The following RHD variants were observed in gnomAD, a reference collection of about 807,000 sequenced individuals.
RHD encodes the protein Rh blood group D antigen, also known as blood group Rh(D) polypeptide.
RHD carries 16 observed loss-of-function variants against 45.5 expected under a neutral mutation model. The observed-to-expected ratio is 0.35, with a 90% CI of 0.24 to 0.53. The LOEUF is 0.53. Among genes scored for constraint, RHD ranks in the 20% least tolerant of loss-of-function variants. The pLI, the probability that RHD is intolerant of heterozygous loss-of-function variation, is 0.92. For missense variants in RHD, 306 were observed against 532.0 expected, an observed-to-expected ratio of 0.58 and a Z score of 4.18; for synonymous variants, 131 against 217.5, an observed-to-expected ratio of 0.60 and a Z score of 3.50.
Position 25,290,681 on chromosome 1 carries a change from T to C in RHD, c.376T>C (p.Ser126Pro). ...ATMSALSVLI[S>P]VDAVLGKVNL... ...CATGAGTGCTTTGTCGGTGCTGATC[T>C]CAGTGGATGCTGTCTTGGGGAAGGT... Residue 126 changes from serine (S) to proline (P), a missense_variant, in exon 3 of 10, where the codon TCA becomes CCA. Ser to Pro is a moderately conservative substitution (Grantham distance 74, BLOSUM62 -1). Coordinates refer to ENST00000328664, the MANE Select transcript of RHD (RefSeq NM_016124.6). The C allele has an allele frequency of 7.3e-7, 1 of 1,378,564 alleles. No individual in the cohort carries two copies. Among genetic ancestry groups the C allele is most frequent in the Non-Finnish European group, 1.0e-6 (1 of 978,452 alleles). 85.4% of individuals were successfully genotyped at this position (1,378,564 alleles called of 1,614,324 possible).
rs4564194 is a variant in RHD, at chr1:25,299,107, A to T, written c.487-1839A>T. ...AAAAAAAAAAAAAAAACAGGCTGGG[A>T]GCAGTGGCTCATGCCTGTAATCCCA... On this transcript the variant is annotated intron_variant, in intron 3 of 9. Coordinates refer to ENST00000328664, the MANE Select transcript of RHD (RefSeq NM_016124.6). 9.7e-5 allele frequency among the ~76,000 whole-genome samples: 11 copies of T among 112,968 alleles called. 1 individual carries two copies. The highest frequency in any genetic ancestry group is 2.7e-4 in the South Asian group (1 of 3,752). 74.1% of individuals were successfully genotyped at this position (112,968 alleles called of 152,430 possible).
At position 25,329,024 on chromosome 1, in the gene RHD, T is replaced by A. The variant is rs769894940; in HGVS notation, c.*100T>A. ...GTGAGAAACGCTCATGACAGCAAAG[T>A]CTCCAATGTTCGCGCAGGCACTGGA... On this transcript the variant is annotated 3_prime_UTR_variant, in exon 10 of 10. Transcript: ENST00000328664. 2.2e-6 allele frequency: 3 copies of A among 1,378,300 alleles called. 1 individual carries two copies. Among genetic ancestry groups the A allele is most frequent in the Non-Finnish European group, 3.1e-6 (3 of 978,698 alleles). The allele number at this position is 1,378,300 out of a possible 1,614,324, so 85.4% of individuals were successfully genotyped here.
rs1641811680 is a variant in RHD, at chr1:25,284,727, C to A, written c.303C>A (p.Phe101Leu). 7.2e-7 allele frequency: 1 copy of A among 1,388,794 alleles called. No homozygotes were observed. Among genetic ancestry groups the A allele is most frequent in the African/African-American group, 1.4e-5 (1 of 71,206 alleles). 86.0% of individuals were successfully genotyped at this position (1,388,794 alleles called of 1,614,324 possible). Reference protein sequence around the residue: ...AILLDGFLSQFPSGKVVITLF... With the variant: ...AILLDGFLSQLPSGKVVITLF... The stretch of plus-strand genomic sequence containing the variant: ...TGCTGGACGGCTTCCTGAGCCAGTT[C>A]CCTTCTGGGAAGGTGGTCATCACAC... Residue 101 changes from phenylalanine to leucine, a missense_variant, in exon 2 of 10, where the codon TTC becomes TTA. Transcript: ENST00000328664.
In RHD at chr1:25,311,253, C is replaced by T. The variant is rs558860927; in HGVS notation, c.1073+4524C>T. ...AGCTGAACTTTTTCTGTGCCAGAGT[C>T]ATTTATGGAAGGCAGAAAATCTGTA... On this transcript the variant is annotated intron_variant, in intron 7 of 9. Coordinates refer to ENST00000328664, the MANE Select transcript of RHD (RefSeq NM_016124.6). Among the ~76,000 whole-genome samples, 3 of 132,122 alleles carry T rather than the reference C, an allele frequency of 2.3e-5. 1 individual carries two copies. The highest frequency in any genetic ancestry group is 2.0e-4 in the East Asian group (1 of 5,098). 86.7% of individuals were successfully genotyped at this position (132,122 alleles called of 152,430 possible).
chr1:25,306,841 G>A (rs1643878355), intron 7 of RHD, 112 bp downstream of exon 7: 1 of 1,009,528 alleles, frequency 9.9e-7, no homozygotes, highest in Non-Finnish European at 1.5e-6. Flanking sequence ...GTGCTCAGTA[G>A]GCTTCGGTGA....
rs958426867 is a variant in RHD, at chr1:25,319,302, G to A, written c.1153+2223G>A. Reference sequence around the variant, plus strand: ...GACCAACAAGTTTTCTTCTTTACATGTTGTTTTTGACATGAGCAAACTGGT... The same window carrying A: ...GACCAACAAGTTTTCTTCTTTACATATTGTTTTTGACATGAGCAAACTGGT... On this transcript the variant is annotated intron_variant, in intron 8 of 9. Coordinates refer to ENST00000328664, the MANE Select transcript of RHD (RefSeq NM_016124.6). Among the ~76,000 whole-genome samples the A allele has an allele frequency of 1.5e-5, 2 of 132,348 alleles. 1 individual carries two copies. Among genetic ancestry groups the A allele is most frequent in the Non-Finnish European group, 3.6e-5 (2 of 55,862 alleles). 86.8% of individuals were successfully genotyped at this position (132,348 alleles called of 152,430 possible).
intron 7 of RHD, among the ~76,000 whole-genome samples, chr1:25,310,063 C>T (rs1644060837): frequency 7.6e-6 from 1 of 132,302 alleles, no homozygotes; most frequent in Non-Finnish European, 1.8e-5. Flanking sequence ...TTTGATGAAT[C>T]TTCTGATATC....
intron 8 of RHD, among the ~76,000 whole-genome samples, chr1:25,320,096 C>A (rs546557285): frequency 7.6e-6 from 1 of 131,262 alleles, no homozygotes; most frequent in South Asian, 2.3e-4. Context: ...CAGGGTTTCT[C>A]CATGTTGGTC....
In RHD at chr1:25,314,525, C is replaced by T. The variant is rs1465166888; in HGVS notation, c.1074-2475C>T. Among the ~76,000 whole-genome samples the T allele has an allele frequency of 1.5e-5, 2 of 132,280 alleles. 1 individual carries two copies. Among genetic ancestry groups the T allele is most frequent in the Non-Finnish European group, 3.6e-5 (2 of 55,810 alleles). 86.8% of individuals were successfully genotyped at this position (132,280 alleles called of 152,430 possible). A position where few individuals can be genotyped will look rare whatever the true frequency, so the allele number is the denominator to read the frequency against. ...TTCTTTCTTTTTGAAACAGAGTCTC[C>T]TTCTGTCACCCAGGCTGGAATGCAG... On this transcript the variant is annotated intron_variant, in intron 7 of 9. Transcript: ENST00000328664.
chr1:25,278,631 C>T (rs1402721140), intron 1 of RHD, among the ~76,000 whole-genome samples: 1 of 131,050 alleles, frequency 7.6e-6, no homozygotes, highest in Non-Finnish European at 1.8e-5. Flanking sequence ...GCAGAGCTTC[C>T]CTAAGGCTTC....
intron 8 of RHD, among the ~76,000 whole-genome samples, chr1:25,320,461 C>A (rs974327748): frequency 7.6e-6 from 1 of 132,008 alleles, no homozygotes; most frequent in African/African-American, 2.6e-5. Flanking sequence ...CGCCAGAGAT[C>A]GTTACTGAGT....
At chr1:25,297,779 G>A (rs2124664311) in intron 3 of RHD, among the ~76,000 whole-genome samples, 1 of 131,888 alleles carries the variant, frequency 7.6e-6, no homozygotes, top group East Asian at 1.9e-4. Context: ...TTCTTAGGCG[G>A]AATGAAGAGA....
chr1:25,299,684 G>A lies in RHD; in HGVS notation c.487-1262G>A, dbSNP rs1643230469. ...GGGTCGTGGCAAGAACCTGGACCTT[G>A]ACTTTGAGTGACATGGGAGCCGCTG... On this transcript the variant is annotated intron_variant, in intron 3 of 9. Coordinates refer to ENST00000328664, the MANE Select transcript of RHD (RefSeq NM_016124.6). Among the ~76,000 whole-genome samples the A allele has an allele frequency of 1.5e-5, 2 of 132,422 alleles. 1 individual carries two copies. The allele number at this position is 132,422 out of a possible 152,430, so 86.9% of individuals were successfully genotyped here.
intron 1 of RHD, 54 bp from the exon 2 acceptor site, chr1:25,284,519 C>A (rs1358438810): frequency 1.2e-4 from 158 of 1,344,846 alleles, no homozygotes; most frequent in Non-Finnish European, 1.3e-4. Flanking sequence ...TTCATACCAC[C>A]CTAAATCTCG....
rs1479891944 is a variant in RHD, at chr1:25,299,130, C to G, written c.487-1816C>G. Among the ~76,000 whole-genome samples the G allele has an allele frequency of 1.6e-5, 2 of 125,750 alleles. 1 individual carries two copies. The highest frequency in any genetic ancestry group is 5.5e-5 in the African/African-American group (2 of 36,648). The allele number at this position is 125,750 out of a possible 152,430, so 82.5% of individuals were successfully genotyped here. A position where few individuals can be genotyped will look rare whatever the true frequency, so the allele number is the denominator to read the frequency against. ...GGAGCAGTGGCTCATGCCTGTAATCCCAGCGCTTTGGGAGGCCAAGGCGGA... is the reference window on the plus strand; with the variant it reads ...GGAGCAGTGGCTCATGCCTGTAATCGCAGCGCTTTGGGAGGCCAAGGCGGA... On this transcript the variant is annotated intron_variant, in intron 3 of 9. Transcript: ENST00000328664.
chr1:25,316,618 GAAAAAAAAA>G (rs1171433774), intron 7 of RHD, among the ~76,000 whole-genome samples: 1 of 40,632 alleles, frequency 2.5e-5, no homozygotes, highest in Admixed American at 2.9e-4. Context: ...AACAAAAACA[GAAAAAAAAA>G]AAAAAAAAAG....
At position 25,314,240 on chromosome 1, in the gene RHD, C is replaced by A. The variant is rs191261509; in HGVS notation, c.1074-2760C>A. Among the ~76,000 whole-genome samples, 16 of 133,066 alleles carry A rather than the reference C, an allele frequency of 1.2e-4. 1 individual carries two copies. In the East Asian group the frequency reaches 3.1e-3, roughly 26 times the overall value. 87.3% of individuals were successfully genotyped at this position (133,066 alleles called of 152,430 possible). ...CTCCTTTTACTCCACATTTTGCCAA[C>A]ACTTGGTGTTTTCCTTCTTTTTGAT... On this transcript the variant is annotated intron_variant, in intron 7 of 9. Coordinates refer to ENST00000328664, the MANE Select transcript of RHD (RefSeq NM_016124.6).
intron 7 of RHD, among the ~76,000 whole-genome samples, chr1:25,311,304 A>C (rs1244903808): frequency 7.6e-6 from 1 of 132,320 alleles, no homozygotes; most frequent in African/African-American, 2.6e-5. Flanking sequence ...AGGGAATGAA[A>C]GAACATTTTC....
rs1225112206 is a variant in RHD, at chr1:25,314,951, T to C, written c.1074-2049T>C. Among the ~76,000 whole-genome samples the C allele has an allele frequency of 5.4e-5, 7 of 130,806 alleles. 1 individual carries two copies. Among genetic ancestry groups the C allele is most frequent in the African/African-American group, 1.8e-4 (7 of 38,388 alleles). 85.8% of individuals were successfully genotyped at this position (130,806 alleles called of 152,430 possible). On this transcript the variant is annotated intron_variant, in intron 7 of 9. Coordinates refer to ENST00000328664, the MANE Select transcript of RHD (RefSeq NM_016124.6). ...CCAGCGCGGTGGCTCACACCTGTAATCCCAGCACTTTGGGAGGCTGAGGCT... is the reference window on the plus strand; with the variant it reads ...CCAGCGCGGTGGCTCACACCTGTAACCCCAGCACTTTGGGAGGCTGAGGCT...
Sources: gnomAD v4.1 joint callset for allele counts (sites outside exome capture counted in the v4.1 genomes callset) on GRCh38, gnomAD v4.1.1 for gene constraint, MANE v1.5 for transcripts, NCBI Gene and HGNC (gene_info 2026-07-23, HGNC 2026-07-21) for gene names.